ANK2: variants seen among roughly 807,000 people sequenced by gnomAD.
ANK2 encodes ankyrin 2, also known as ankyrin-2.
Under a neutral mutation model 360.5 loss-of-function variants are expected in ANK2, and 83 were observed. That is an observed-to-expected ratio of 0.23 (90% CI 0.19 to 0.28). The LOEUF (loss-of-function observed/expected upper bound fraction) is 0.28. ANK2 is among the 10% of genes least tolerant of loss of function. The pLI, the probability that ANK2 is intolerant of heterozygous loss-of-function variation, is 1.00. For missense variants in ANK2, 4,201 were observed against 4,795.7 expected, an observed-to-expected ratio of 0.88 and a Z score of 3.66; for synonymous variants, 1,740 against 1,759.5, an observed-to-expected ratio of 0.99 and a Z score of 0.28.
At chr4:112,750,931 C>T in the ANK2 span, among the ~76,000 whole-genome samples, 3 of 151,956 alleles carry the variant, frequency 2.0e-5, no homozygotes, top group South Asian at 2.1e-4. Flanking sequence ...CTCACTATGT[C>T]GGTCAGGCTG....
chr4:113,271,349 C>T (rs952255203), intron 14 of ANK2, among the ~76,000 whole-genome samples: 5 of 152,166 alleles, frequency 3.3e-5, no homozygotes, highest in East Asian at 1.9e-4. Flanking sequence ...ATGGGATGTC[C>T]GTTTCCCCCA....
At chr4:112,855,033 A>C (rs1232701195) in intron 1 of ANK2, among the ~76,000 whole-genome samples, 2 of 152,218 alleles carry the variant, frequency 1.3e-5, no homozygotes, top group Non-Finnish European at 2.9e-5. Context: ...ACACAATGCA[A>C]TATTAGCATC....
chr4:113,152,726 G>C (rs538674374), intron 1 of ANK2, among the ~76,000 whole-genome samples: 1 of 152,014 alleles, frequency 6.6e-6, no homozygotes, highest in African/African-American at 2.4e-5. Context: ...GGGCAACACA[G>C]GGAGATTCTG....
chr4:113,233,325 C>T (rs2099344673), intron 5 of ANK2, among the ~76,000 whole-genome samples: 1 of 150,202 alleles, frequency 6.7e-6, no homozygotes, highest in Non-Finnish European at 1.5e-5. Flanking sequence ...TTAGTAGAGA[C>T]GGGGTTTCAC....
At chr4:113,154,484 C>T (rs1190105700) in intron 1 of ANK2, among the ~76,000 whole-genome samples, 1 of 152,168 alleles carries the variant, frequency 6.6e-6, no homozygotes, top group Non-Finnish European at 1.5e-5. Context: ...AATATCTTGG[C>T]TGAATCCCAC....
intron 18 of ANK2, among the ~76,000 whole-genome samples, chr4:113,286,859 A>G (rs961407451): frequency 2.6e-5 from 4 of 152,192 alleles, no homozygotes; most frequent in Non-Finnish European, 4.4e-5. Context: ...TATGAAACAT[A>G]CTCAAGAAAA....
chr4:113,312,044 G>T (rs937384351), intron 24 of ANK2, among the ~76,000 whole-genome samples: 1 of 152,112 alleles, frequency 6.6e-6, no homozygotes, highest in Non-Finnish European at 1.5e-5. Flanking sequence ...TTATTAACTA[G>T]TACAACTGGC....
intron 1 of ANK2, among the ~76,000 whole-genome samples, chr4:112,892,916 A>G (rs570611929): frequency 9.2e-5 from 14 of 152,306 alleles, no homozygotes; most frequent in Admixed American, 8.5e-4. Context: ...GGCCTTTAGG[A>G]TGCGTAGTGG....
intron 23 of ANK2, among the ~76,000 whole-genome samples, chr4:113,309,570 G>A (rs1005783160): frequency 6.6e-6 from 1 of 152,138 alleles, no homozygotes; most frequent in African/African-American, 2.4e-5. Flanking sequence ...CCAGGCTGTA[G>A]TGCAGTGGTG....
chr4:112,787,109 T>C, the ANK2 span, among the ~76,000 whole-genome samples: 1 of 152,232 alleles, frequency 6.6e-6, no homozygotes, highest in Non-Finnish European at 1.5e-5. Flanking sequence ...AATTAATTTA[T>C]TTCTATTTAA....
chr4:112,814,131 G>A (rs1274998979), upstream of ANK2, among the ~76,000 whole-genome samples: 1 of 152,224 alleles, frequency 6.6e-6, no homozygotes, highest in South Asian at 2.1e-4. Flanking sequence ...GAGCTTGGGA[G>A]CTGTAGTCTT....
intron 1 of ANK2, among the ~76,000 whole-genome samples, chr4:112,870,755 GATTATTTTAGCT>G (rs2072680760): frequency 6.6e-6 from 1 of 152,136 alleles, no homozygotes; most frequent in African/African-American, 2.4e-5. Flanking sequence ...TCTTTTTCAA[GATTATTTTAGCT>G]ATTCTAGGTC....
chr4:112,997,323 G>A (rs2048909347), intron 2 of ANK2, among the ~76,000 whole-genome samples: 1 of 152,048 alleles, frequency 6.6e-6, no homozygotes, highest in African/African-American at 2.4e-5. Flanking sequence ...ATTAACTAGA[G>A]TCACCAGGTA....
intron 2 of ANK2, among the ~76,000 whole-genome samples, chr4:112,945,437 G>A (rs959610136): frequency 6.6e-6 from 1 of 152,150 alleles, no homozygotes; most frequent in Non-Finnish European, 1.5e-5. Context: ...AATAGACATA[G>A]TGCCTCATTA....
At chr4:113,095,018 T>C (rs950159205) in intron 1 of ANK2, among the ~76,000 whole-genome samples, 1 of 152,220 alleles carries the variant, frequency 6.6e-6, no homozygotes, top group African/African-American at 2.4e-5. Flanking sequence ...ATTTAAAAGA[T>C]AAGAGCAATT....
chr4:113,219,607 T>G (rs1195359723), intron 4 of ANK2, among the ~76,000 whole-genome samples: 2 of 152,164 alleles, frequency 1.3e-5, no homozygotes, highest in Non-Finnish European at 2.9e-5. Flanking sequence ...AAGAGCAGAT[T>G]TACTTTCTTA....
intron 1 of ANK2, among the ~76,000 whole-genome samples, chr4:112,829,491 CAAAAA>C (rs60272903): frequency 2.1e-4 from 13 of 60,728 alleles, no homozygotes; most frequent in East Asian, 9.8e-4. Context: ...CCCATCTCTA[CAAAAA>C]AAAAAAAAAA....
the ANK2 span, chr4:112,788,645 A>C: frequency 6.2e-7 from 1 of 1,601,776 alleles, no homozygotes; most frequent in South Asian, 1.1e-5. Flanking sequence ...GGTTAATCGC[A>C]GGAGGCACTT....
chr4:113,372,717 C>T, intron 43 of ANK2: 1 of 897,576 alleles, frequency 1.1e-6, no homozygotes, highest in Non-Finnish European at 1.7e-6. Context: ...TTGGCATGTT[C>T]CTTAGGTAGT....
Sources: allele counts gnomAD v4.1 joint callset (sites outside exome capture counted in the v4.1 genomes callset), GRCh38; gene constraint gnomAD v4.1.1; transcripts MANE v1.5; gene names NCBI Gene and HGNC (gene_info 2026-07-23, HGNC 2026-07-21).